The following COL26A1 variants were observed in gnomAD, a reference collection of about 807,000 sequenced individuals.
The protein encoded by COL26A1 is collagen alpha-1(XXVI) chain.
In COL26A1, 41 loss-of-function variants were observed where a neutral mutation model predicts 59.3. That is an observed-to-expected ratio of 0.69 (90% CI 0.54 to 0.90). The LOEUF (loss-of-function observed/expected upper bound fraction) is 0.90, where lower values mean the gene tolerates loss of function less well. Among genes scored for constraint, COL26A1 ranks in the 40% least tolerant of loss-of-function variants. COL26A1 has a pLI of 0.00. For synonymous variants in COL26A1, 266 were observed against 256.0 expected (o/e 1.04, Z -0.37); for missense variants, 612 against 602.3 (o/e 1.02, Z -0.17).
At chr7:101,371,726 A>G (rs1218357263) in intron 1 of COL26A1, among the ~76,000 whole-genome samples, 1 of 152,092 alleles carries the variant, frequency 6.6e-6, no homozygotes, top group Non-Finnish European at 1.5e-5. Flanking sequence ...CAGGAAGTTG[A>G]AGCTGCAGTG....
intron 2 of COL26A1, among the ~76,000 whole-genome samples, chr7:101,427,134 C>G (rs1792667626): frequency 6.6e-6 from 1 of 152,222 alleles, no homozygotes; most frequent in Admixed American, 6.5e-5. Context: ...TCATAGCTCA[C>G]TTTGGCCTCG....
intron 3 of COL26A1, among the ~76,000 whole-genome samples, chr7:101,494,128 G>A (rs1309739887): frequency 1.7e-5 from 2 of 117,472 alleles, no homozygotes; most frequent in African/African-American, 3.4e-5. Flanking sequence ...TTGCATTGTC[G>A]TTTTGTTTTG....
chr7:101,456,180 A>G (rs1261799528), intron 3 of COL26A1, among the ~76,000 whole-genome samples: 2 of 130,338 alleles, frequency 1.5e-5, no homozygotes, highest in Admixed American at 7.9e-5. Context: ...TTTTTTTTTA[A>G]TGGAGATAAA....
chr7:101,456,413 G>T, intron 3 of COL26A1, among the ~76,000 whole-genome samples: 1 of 151,810 alleles, frequency 6.6e-6, no homozygotes, highest in East Asian at 1.9e-4. Flanking sequence ...GGTGTCTCAC[G>T]CCTGTAATCC....
At chr7:101,366,349 T>C (rs895566289) in intron 1 of COL26A1, among the ~76,000 whole-genome samples, 1 of 152,194 alleles carries the variant, frequency 6.6e-6, no homozygotes, top group African/African-American at 2.4e-5. Context: ...CAGTGGTCCT[T>C]GCAGCCTTGG....
At chr7:101,530,384 C>T (rs891378955) in intron 3 of COL26A1, among the ~76,000 whole-genome samples, 1 of 151,530 alleles carries the variant, frequency 6.6e-6, no homozygotes, top group African/African-American at 2.4e-5. Context: ...GCCTGGGCAA[C>T]ATGGTAAAAC....
chr7:101,492,424 C>T (rs886786470), intron 3 of COL26A1, among the ~76,000 whole-genome samples: 17 of 151,930 alleles, frequency 1.1e-4, no homozygotes, highest in East Asian at 5.8e-4. Context: ...AGGCCGGGCG[C>T]GGTGGCTCAT....
intron 1 of COL26A1, among the ~76,000 whole-genome samples, chr7:101,374,023 AC>A (rs1342248173): frequency 6.6e-6 from 1 of 152,194 alleles, no homozygotes; most frequent in African/African-American, 2.4e-5. Flanking sequence ...GAAAAGAGCA[AC>A]AATAACTAAC....
intron 2 of COL26A1, among the ~76,000 whole-genome samples, chr7:101,433,585 C>G (rs1792831430): frequency 6.6e-6 from 1 of 152,048 alleles, no homozygotes; most frequent in Non-Finnish European, 1.5e-5. Context: ...TCACTGGAGA[C>G]CCTGGCAAAT....
chr7:101,486,186 A>T (rs77431013), intron 3 of COL26A1, among the ~76,000 whole-genome samples: 1 of 151,412 alleles, frequency 6.6e-6, no homozygotes, highest in African/African-American at 2.4e-5. Flanking sequence ...AAAAAAAAAA[A>T]GTAGTCTCAG....
At chr7:101,433,229 T>G (rs1229887496) in intron 2 of COL26A1, among the ~76,000 whole-genome samples, 1 of 151,928 alleles carries the variant, frequency 6.6e-6, no homozygotes, top group Non-Finnish European at 1.5e-5. Flanking sequence ...GAGGCTGAGA[T>G]GGGAGGATTG....
chr7:101,509,003 G>T (rs1473409257), intron 3 of COL26A1, among the ~76,000 whole-genome samples: 1 of 152,180 alleles, frequency 6.6e-6, no homozygotes, highest in Non-Finnish European at 1.5e-5. Context: ...TTGGCTCACA[G>T]TTCTGCAAGC....
chr7:101,394,585 C>CTTTTTTTTT (rs59966789), intron 1 of COL26A1, among the ~76,000 whole-genome samples: 13 of 122,792 alleles, frequency 1.1e-4, no homozygotes, highest in African/African-American at 3.1e-4. Flanking sequence ...TTTTTCTTTT[C>CTTTTTTTTT]TTTTTTTTTT....
At chr7:101,551,558 C>T (rs1458324818) in intron 10 of COL26A1, among the ~76,000 whole-genome samples, 1 of 152,152 alleles carries the variant, frequency 6.6e-6, no homozygotes, top group East Asian at 1.9e-4. Context: ...CCCAGCCTGA[C>T]CAACATGGTG....
chr7:101,392,042 C>A (rs1164808148), intron 1 of COL26A1, among the ~76,000 whole-genome samples: 1 of 152,052 alleles, frequency 6.6e-6, no homozygotes, highest in Non-Finnish European at 1.5e-5. Context: ...CAGAGTCCAG[C>A]AGGGCAGTGT....
At chr7:101,448,480 C>G (rs1859639) in intron 3 of COL26A1, among the ~76,000 whole-genome samples, 26,877 of 151,786 alleles carry the variant, frequency 0.18, 2,950 homozygotes, top group Non-Finnish European at 0.24. Flanking sequence ...GCTCAGCGGT[C>G]AGATTTTTCT....
At chr7:101,411,358 G>C (rs1336470940) in intron 1 of COL26A1, among the ~76,000 whole-genome samples, 1 of 152,124 alleles carries the variant, frequency 6.6e-6, no homozygotes, top group African/African-American at 2.4e-5. Flanking sequence ...AAGGCTCGCG[G>C]GAGGGACACG....
At chr7:101,374,176 C>T (rs1791255823) in intron 1 of COL26A1, among the ~76,000 whole-genome samples, 1 of 152,172 alleles carries the variant, frequency 6.6e-6, no homozygotes, top group African/African-American at 2.4e-5. Flanking sequence ...CTTGTCTCTA[C>T]CTGCCTCCCA....
chr7:101,491,615 C>T (rs986513825), intron 3 of COL26A1, among the ~76,000 whole-genome samples: 4 of 152,130 alleles, frequency 2.6e-5, no homozygotes, highest in Non-Finnish European at 4.4e-5. Context: ...ATTATTCATG[C>T]CTCCCCTTTT....
Sources: gnomAD v4.1 joint callset for allele counts (sites outside exome capture counted in the v4.1 genomes callset) on GRCh38, gnomAD v4.1.1 for gene constraint, MANE v1.5 for transcripts, NCBI Gene and HGNC (gene_info 2026-07-23, HGNC 2026-07-21) for gene names.